STAM2: variants seen among roughly 807,000 people sequenced by gnomAD.
The protein encoded by STAM2 is signal transducing adaptor molecule 2, also known as signal transducing adapter molecule 2.
STAM2 carries 51 observed loss-of-function variants against 65.6 expected under a neutral mutation model. That is an observed-to-expected ratio of 0.78 (90% CI 0.62 to 0.98). The LOEUF (loss-of-function observed/expected upper bound fraction) is 0.98. STAM2 is among the 50% of genes least tolerant of loss of function. The pLI is 0.00. For missense variants in STAM2, 584 were observed against 617.8 expected, an observed-to-expected ratio of 0.95 and a Z score of 0.58; for synonymous variants, 198 against 208.4, an observed-to-expected ratio of 0.95 and a Z score of 0.43.
At position 152,175,545 on chromosome 2, in the gene STAM2, G is replaced by A. The variant is rs571541399; in HGVS notation, c.40+58C>T. Reference sequence around the variant, plus strand: ...GTCGCTACCGCCCACTTTCTAGCCGGACAAACAGCAGTCCAGGGCCAGGCA... The same window carrying A: ...GTCGCTACCGCCCACTTTCTAGCCGAACAAACAGCAGTCCAGGGCCAGGCA... On this transcript the variant is annotated intron_variant, in intron 1 of 13. Coordinates refer to ENST00000263904, the MANE Select transcript of STAM2 (RefSeq NM_005843.6). 4.6e-4 allele frequency: 747 copies of A among 1,609,156 alleles called. 3 individuals carry two copies. Among genetic ancestry groups the A allele is most frequent in the Non-Finnish European group, 9.6e-5 (113 of 1,175,842 alleles).
rs534989628 is a variant in STAM2, at chr2:152,141,459, A to G, written c.704+2368T>C. 3.5e-3 allele frequency among the ~76,000 whole-genome samples: 512 copies of G among 147,704 alleles called. 3 individuals carry two copies. The highest frequency in any genetic ancestry group is 0.012 in the African/African-American group (494 of 40,324). ...TGAGGCAGGAGAATCACTTGAACAC[A>G]GGGGGCGGGGGTTGCAGTGAGCTGA... On this transcript the variant is annotated intron_variant, in intron 7 of 13. Coordinates refer to ENST00000263904, the MANE Select transcript of STAM2 (RefSeq NM_005843.6).
chr2:152,124,271 C>A, intron 12 of STAM2: 1 of 199,604 alleles, frequency 5.0e-6, no homozygotes, highest in South Asian at 1.1e-4. Context: ...ACTATACACT[C>A]CCTTGAAGGG....
At chr2:152,135,820 T>C (rs1689142801) in intron 7 of STAM2, among the ~76,000 whole-genome samples, 1 of 152,244 alleles carries the variant, frequency 6.6e-6, no homozygotes, top group African/African-American at 2.4e-5. Flanking sequence ...CCAGGCGCAG[T>C]GGCTCACGCC....
intron 1 of STAM2, among the ~76,000 whole-genome samples, chr2:152,150,485 C>T (rs759184293): frequency 2.6e-5 from 4 of 152,202 alleles, no homozygotes; most frequent in Admixed American, 6.5e-5. Flanking sequence ...CCATCAAATT[C>T]TAATTTGGAA....
At chr2:152,145,918 C>CT (rs1182353977) in intron 5 of STAM2, among the ~76,000 whole-genome samples, 2 of 152,118 alleles carry the variant, frequency 1.3e-5, no homozygotes, top group East Asian at 3.8e-4. Context: ...CTTTTTATTA[C>CT]TTATAAGACT....
chr2:152,156,399 A>T (rs1689547055), intron 1 of STAM2, among the ~76,000 whole-genome samples: 3 of 152,202 alleles, frequency 2.0e-5, no homozygotes, highest in Admixed American at 1.3e-4. Flanking sequence ...AAAATTTTAA[A>T]TATTATAATT....
At chr2:152,168,771 T>C (rs1458775756) in intron 1 of STAM2, among the ~76,000 whole-genome samples, 1 of 152,168 alleles carries the variant, frequency 6.6e-6, no homozygotes, top group Non-Finnish European at 1.5e-5. Flanking sequence ...TGTCATATAA[T>C]CCATTTGAAA....
rs975402031 is a variant in STAM2 at position 152,143,665 on chromosome 2, G to A, written c.704+162C>T. Among the ~76,000 whole-genome samples, 3 of 152,056 alleles carry A rather than the reference G, an allele frequency of 2.0e-5. No homozygotes were observed. In the East Asian group the frequency reaches 5.8e-4, roughly 29 times the overall value. On this transcript the variant is annotated intron_variant, in intron 7 of 13. Coordinates refer to ENST00000263904, the MANE Select transcript of STAM2 (RefSeq NM_005843.6). ...AAACATAAATTATCAAATATAACGA[G>A]AAGAGGCTCACATTACATGCCTAAC...
intron 11 of STAM2, among the ~76,000 whole-genome samples, chr2:152,131,183 A>G (rs1179680527): frequency 6.6e-6 from 1 of 152,086 alleles, no homozygotes; most frequent in African/African-American, 2.4e-5. Flanking sequence ...GGCCAGGCAC[A>G]GTGGTTCATG....
intron 1 of STAM2, among the ~76,000 whole-genome samples, chr2:152,172,899 G>A (rs1689921642): frequency 6.6e-6 from 1 of 151,680 alleles, no homozygotes; most frequent in African/African-American, 2.4e-5. Flanking sequence ...AAGAAAAGGT[G>A]GGAAGGAGAG....
At chr2:152,144,146 G>A (rs551961676) in intron 6 of STAM2, 133 bp from the exon 7 acceptor site, 66 of 717,130 alleles carry the variant, frequency 9.2e-5, no homozygotes, top group South Asian at 2.8e-4. Context: ...GTTAACTTTC[G>A]GGAGGGTGGG....
chr2:152,172,741 C>T (rs374801673), intron 1 of STAM2, among the ~76,000 whole-genome samples: 1 of 151,454 alleles, frequency 6.6e-6, no homozygotes, highest in Admixed American at 6.6e-5. Context: ...TGTGGTGGTG[C>T]GCACCTGTAG....
intron 2 of STAM2, among the ~76,000 whole-genome samples, chr2:152,149,105 A>T (rs1459520209): frequency 6.6e-6 from 1 of 152,064 alleles, no homozygotes; most frequent in Non-Finnish European, 1.5e-5. Flanking sequence ...CACTTTTTTC[A>T]TTGTTAATCT....
rs553152854 is a variant in STAM2, at chr2:152,137,224, C to T, written c.705-1621G>A. On this transcript the variant is annotated intron_variant, in intron 7 of 13. Transcript: ENST00000263904. ...ATTTTACTAGATATTGCCAAATGTT[C>T]CCTAGAATGGCTGTGAAAATTCACC... 6.6e-5 allele frequency among the ~76,000 whole-genome samples: 10 copies of T among 152,158 alleles called. No homozygotes were observed. The East Asian group carries it at 1.4e-3, about 21-fold the overall frequency.
chr2:152,147,019 G>C (rs1005375191), intron 5 of STAM2, 143 bp downstream of exon 5: 3 of 688,598 alleles, frequency 4.4e-6, no homozygotes, highest in Admixed American at 3.0e-5. Flanking sequence ...TCTACTAAAC[G>C]TAAGGAAGGC....
chr2:152,128,935 T>C (rs1326861154), intron 11 of STAM2, among the ~76,000 whole-genome samples: 2 of 152,234 alleles, frequency 1.3e-5, no homozygotes, highest in Admixed American at 6.5e-5. Context: ...ATTTTATTCA[T>C]CTTTGAATAC....
Position 152,143,808 on chromosome 2 carries a change from A to G in STAM2, c.704+19T>C. 2 of 1,585,614 alleles carry G rather than the reference A, an allele frequency of 1.3e-6. No individual in the cohort carries two copies. Among genetic ancestry groups the G allele is most frequent in the South Asian group, 1.1e-5 (1 of 88,122 alleles). The stretch of plus-strand genomic sequence containing the variant: ...AGGGCATTACACTTTAAACCTTCCC[A>G]TAAAGATTTAAAACTTACCTGTCAT... On this transcript the variant is annotated intron_variant, in intron 7 of 13. Coordinates refer to ENST00000263904, the MANE Select transcript of STAM2 (RefSeq NM_005843.6).
chr2:152,148,344 T>C lies in STAM2; in HGVS notation c.126-44A>G, dbSNP rs765182436. 4.8e-5 allele frequency: 68 copies of C among 1,413,534 alleles called. No individual in the cohort carries two copies. In the South Asian group the frequency reaches 5.2e-4, roughly 11 times the overall value. The allele number at this position is 1,413,534 out of a possible 1,614,324, so 87.6% of individuals were successfully genotyped here. A position where few individuals can be genotyped will look rare whatever the true frequency, so the allele number is the denominator to read the frequency against. ...AGAGAGACAGTTAAGTATTTACTGA[T>C]AAATTTAATTCAAACATTAAGGTAT... On this transcript the variant is annotated intron_variant, in intron 2 of 13. Transcript: ENST00000263904.
intron 1 of STAM2, among the ~76,000 whole-genome samples, chr2:152,163,961 C>T (rs867782250): frequency 6.6e-6 from 1 of 151,636 alleles, no homozygotes; most frequent in African/African-American, 2.4e-5. Flanking sequence ...GAACACAGAC[C>T]CTCATCAGTA....
Sources: gnomAD v4.1 joint callset for allele counts (sites outside exome capture counted in the v4.1 genomes callset) on GRCh38, gnomAD v4.1.1 for gene constraint, MANE v1.5 for transcripts, NCBI Gene and HGNC (gene_info 2026-07-23, HGNC 2026-07-21) for gene names.